Variants in PPP2R1B observed in about 807,000 individuals in gnomAD.
PPP2R1B encodes protein phosphatase 2 scaffold subunit Abeta, also known as serine/threonine-protein phosphatase 2A 65 kDa regulatory subunit A beta isoform.
A neutral mutation model predicts 72.7 loss-of-function variants in PPP2R1B; 58 were observed. The ratio of observed to expected loss-of-function variants is 0.80; its 90% CI spans 0.65 to 0.99. The LOEUF (loss-of-function observed/expected upper bound fraction) is 0.99, where lower values mean the gene tolerates loss of function less well. PPP2R1B is among the 50% of genes least tolerant of loss of function. The pLI is 0.00. For missense variants in PPP2R1B, 695 were observed against 733.6 expected, an observed-to-expected ratio of 0.95 and a Z score of 0.61; for synonymous variants, 256 against 264.6, an observed-to-expected ratio of 0.97 and a Z score of 0.32.
rs1944409417 is a variant in PPP2R1B at position 111,738,529 on chromosome 11, A to G, written c.*3067T>C. 1 of 985,484 alleles carries G rather than the reference A, an allele frequency of 1.0e-6. No homozygotes were observed. The highest frequency in any genetic ancestry group is 1.2e-6 in the Non-Finnish European group (1 of 829,946). 61.0% of individuals were successfully genotyped at this position (985,484 alleles called of 1,614,324 possible). A position where few individuals can be genotyped will look rare whatever the true frequency, so the allele number is the denominator to read the frequency against. On this transcript the variant is annotated 3_prime_UTR_variant, in exon 15 of 15. Transcript: ENST00000527614. ...CTGGAAGTCTACGCAAGCAACCTGA[A>G]TGCCTGGACAAGCCAGCTCAAAGGT... is the stretch of plus-strand genomic sequence containing the variant.
At chr11:111,703,310 A>C in the PPP2R1B span, 1 of 1,614,210 alleles carries the variant, frequency 6.2e-7, no homozygotes, top group Admixed American at 1.7e-5. Context: ...TCCTGTCCAG[A>C]GACCTGTTCT....
chr11:111,764,673 T>C (rs1196926267), intron 3 of PPP2R1B, 132 bp downstream of exon 3: 5 of 869,496 alleles, frequency 5.8e-6, no homozygotes, highest in Non-Finnish European at 8.6e-6. Flanking sequence ...ATTCTCTCAA[T>C]GACTAACATT....
chr11:111,749,378 G>T (rs1944820324), intron 10 of PPP2R1B, among the ~76,000 whole-genome samples: 1 of 151,810 alleles, frequency 6.6e-6, no homozygotes, highest in Non-Finnish European at 1.5e-5. Flanking sequence ...CCGCCTCCTG[G>T]GTTCAAGCAA....
chr11:111,749,587 T>C (rs1013543164), intron 10 of PPP2R1B, among the ~76,000 whole-genome samples: 7 of 152,090 alleles, frequency 4.6e-5, no homozygotes, highest in Admixed American at 4.6e-4. Context: ...GCCTGGCCTA[T>C]TTTCCGGTTT....
At chr11:111,719,345 G>T in the PPP2R1B span, among the ~76,000 whole-genome samples, 12 of 122,016 alleles carry the variant, frequency 9.8e-5, no homozygotes, top group African/African-American at 3.0e-4. Flanking sequence ...GAAGAATCTT[G>T]GTGACTACCC....
In PPP2R1B at chr11:111,741,389, T is replaced by C; in HGVS notation, c.*207A>G. 1 of 1,393,268 alleles carries C rather than the reference T, an allele frequency of 7.2e-7. No individual in the cohort carries two copies. The highest frequency in any genetic ancestry group is 9.3e-7 in the Non-Finnish European group (1 of 1,077,968). The allele number at this position is 1,393,268 out of a possible 1,614,324, so 86.3% of individuals were successfully genotyped here. A position where few individuals can be genotyped will look rare whatever the true frequency, so the allele number is the denominator to read the frequency against. ...AATTGGTCAATAAGAACGGCTTAAA[T>C]AATGATTTAACAAGGAAGACGAGTA... On this transcript the variant is annotated 3_prime_UTR_variant, in exon 15 of 15. Coordinates refer to ENST00000527614, the MANE Select transcript of PPP2R1B (RefSeq NM_002716.5).
At position 111,738,271 on chromosome 11, in the gene PPP2R1B, C is replaced by G. The variant is rs940070163; in HGVS notation, c.*3325G>C. ...CAGTGGAGAAAAATAAGAAGCTTTACGATAAGAGTGTCACCATTTTTAAAA... is the reference window on the plus strand; with the variant it reads ...CAGTGGAGAAAAATAAGAAGCTTTAGGATAAGAGTGTCACCATTTTTAAAA... On this transcript the variant is annotated 3_prime_UTR_variant, in exon 15 of 15. Coordinates refer to ENST00000527614, the MANE Select transcript of PPP2R1B (RefSeq NM_002716.5). 1 of 985,306 alleles carries G rather than the reference C, an allele frequency of 1.0e-6. No individual in the cohort carries two copies. Among genetic ancestry groups the G allele is most frequent in the Non-Finnish European group, 1.2e-6 (1 of 829,976 alleles). 61.0% of individuals were successfully genotyped at this position (985,306 alleles called of 1,614,324 possible).
chr11:111,753,606 T>TA, intron 8 of PPP2R1B, 29 bp from the exon 9 acceptor site: 1 of 1,584,490 alleles, frequency 6.3e-7, no homozygotes, highest in Non-Finnish European at 8.6e-7. Context: ...TAAAAGCCTT[T>TA]ATTACAAGAC....
the PPP2R1B span, among the ~76,000 whole-genome samples, chr11:111,711,607 C>T: frequency 3.9e-5 from 6 of 152,316 alleles, no homozygotes; most frequent in Non-Finnish European, 8.8e-5. Flanking sequence ...AGGCTGAGTC[C>T]AGGCTGTGCA....
downstream of PPP2R1B, chr11:111,726,904 G>C: frequency 6.5e-7 from 1 of 1,548,440 alleles, no homozygotes. Context: ...AATTTCGTTC[G>C]GCAAAAAGTG....
At chr11:111,699,895 C>G in the PPP2R1B span, among the ~76,000 whole-genome samples, 2 of 152,210 alleles carry the variant, frequency 1.3e-5, no homozygotes, top group African/African-American at 4.8e-5. Flanking sequence ...TCCAGTCTTT[C>G]TTGAGCCATC....
At chr11:111,709,963 G>A in the PPP2R1B span, among the ~76,000 whole-genome samples, 4 of 152,216 alleles carry the variant, frequency 2.6e-5, no homozygotes, top group Admixed American at 2.0e-4. Context: ...GTGTGTCGTA[G>A]TTAGGGCATG....
rs747034526 is a variant in PPP2R1B at position 111,741,662 on chromosome 11, C to T, written c.1790-50G>A. 1.3e-5 allele frequency: 21 copies of T among 1,577,752 alleles called. 1 individual carries two copies. The highest frequency in any genetic ancestry group is 1.0e-4 in the South Asian group (9 of 88,706). ...GTTAGTGGTACAGAAAGTTCACGAACGATCTATGTGAATATTAAGCACAAT... is the reference window on the plus strand; with the variant it reads ...GTTAGTGGTACAGAAAGTTCACGAATGATCTATGTGAATATTAAGCACAAT... On this transcript the variant is annotated intron_variant, in intron 14 of 14. Coordinates refer to ENST00000527614, the MANE Select transcript of PPP2R1B (RefSeq NM_002716.5).
chr11:111,761,186 A>T, intron 3 of PPP2R1B, 135 bp from the exon 4 acceptor site: 1 of 809,112 alleles, frequency 1.2e-6, no homozygotes, highest in Non-Finnish European at 2.1e-6. Context: ...CCAAATGGTT[A>T]CTTTCAGCTC....
the PPP2R1B span, among the ~76,000 whole-genome samples, chr11:111,702,274 G>A: frequency 1.3e-5 from 2 of 152,152 alleles, no homozygotes; most frequent in African/African-American, 4.8e-5. Flanking sequence ...CCGCACGGGT[G>A]TTGTAAGGTT....
downstream of PPP2R1B, among the ~76,000 whole-genome samples, chr11:111,737,154 C>T (rs1944362320): frequency 6.6e-6 from 1 of 152,208 alleles, no homozygotes; most frequent in Admixed American, 6.5e-5. Flanking sequence ...CCACTGGTGT[C>T]CTCTGTATGG....
chr11:111,746,393 A>G (rs1944705080), intron 11 of PPP2R1B, among the ~76,000 whole-genome samples: 1 of 152,144 alleles, frequency 6.6e-6, no homozygotes, highest in African/African-American at 2.4e-5. Flanking sequence ...CAAACAGTAC[A>G]TGTTCTCACT....
At chr11:111,758,128 C>A (rs1555050257) in intron 5 of PPP2R1B, among the ~76,000 whole-genome samples, 1 of 152,182 alleles carries the variant, frequency 6.6e-6, no homozygotes. Flanking sequence ...GTTATTTACA[C>A]TCAAATAATA....
chr11:111,761,346 G>C, intron 3 of PPP2R1B: 1 of 471,648 alleles, frequency 2.1e-6, no homozygotes, highest in Non-Finnish European at 4.0e-6. Context: ...ACTGTGAGTT[G>C]AATCACTAGG....
Sources: gnomAD v4.1 joint callset for allele counts (sites outside exome capture counted in the v4.1 genomes callset) on GRCh38, gnomAD v4.1.1 for gene constraint, MANE v1.5 for transcripts, NCBI Gene and HGNC (gene_info 2026-07-23, HGNC 2026-07-21) for gene names.